Variants in PRR12 observed in about 807,000 individuals in gnomAD.
The protein encoded by PRR12 is proline rich 12.
A neutral mutation model predicts 138.0 loss-of-function variants in PRR12; 12 were observed. The observed-to-expected ratio is 0.09, with a 90% confidence interval of 0.06 to 0.14. The LOEUF (loss-of-function observed/expected upper bound fraction) is 0.14. PRR12 is among the 10% of genes least tolerant of loss of function. The pLI, the probability that PRR12 is intolerant of heterozygous loss-of-function variation, is 1.00. For synonymous variants in PRR12, 1,567 were observed against 1,291.7 expected, an observed-to-expected ratio of 1.21 and a Z score of -4.57; for missense variants, 2,692 against 2,861.3, an observed-to-expected ratio of 0.94 and a Z score of 1.35.
chr19:49,612,366 A>G (rs541264474), intron 6 of PRR12, among the ~76,000 whole-genome samples: 22 of 152,058 alleles, frequency 1.4e-4, no homozygotes, highest in Non-Finnish European at 1.8e-4. Context: ...GGTCAGTGAT[A>G]TGAGTGACAT....
chr19:49,597,787 GC>G lies in PRR12; in HGVS notation c.3457del (p.Arg1153GlyfsTer70). ...DFCPPNPGPD[G>X]PRRRGRKPTK... ...TGCCCACCCAACCCAGGACCCGATG[GC>G]CCCCGGCGCCGTGGCCGCAAGCCCA... On this transcript the variant is annotated frameshift_variant, in exon 4 of 14. Transcript: ENST00000418929. LOFTEE classifies it high-confidence loss of function. This position sits in a 1 kb window ranked among gnomAD's most constrained non-coding sequence, Gnocchi z 6.3. 6.3e-7 allele frequency: 1 copy of G among 1,579,438 alleles called. No individual in the cohort carries two copies. Among genetic ancestry groups the G allele is most frequent in the Non-Finnish European group, 8.6e-7 (1 of 1,163,476 alleles).
chr19:49,616,254 G>A lies in PRR12; in HGVS notation c.5497+35G>A, dbSNP rs2080892856. 6.8e-7 allele frequency: 1 copy of A among 1,474,076 alleles called. No homozygotes were observed. The highest frequency in any genetic ancestry group is 1.4e-5 in the South Asian group (1 of 71,670). The allele number at this position is 1,474,076 out of a possible 1,614,324, so 91.3% of individuals were successfully genotyped here. ...TAGGCAGCCTCAGGGCTGCAGGGGTGGGTGGGGAAGGGACACAGGTGAGGG... is the reference window on the plus strand; with the variant it reads ...TAGGCAGCCTCAGGGCTGCAGGGGTAGGTGGGGAAGGGACACAGGTGAGGG... On this transcript the variant is annotated intron_variant, in intron 9 of 13. Transcript: ENST00000418929. The surrounding 1 kb of genome is among the most constrained non-coding windows in gnomAD (Gnocchi z 4.2).
chr19:49,623,726 G>T (rs193005281), intron 11 of PRR12, among the ~76,000 whole-genome samples: 1 of 152,264 alleles, frequency 6.6e-6, no homozygotes, highest in East Asian at 1.9e-4. Context: ...CAATAATTCT[G>T]GGATAGATGG....
At chr19:49,609,382 C>CT (rs1489413650) in intron 6 of PRR12, among the ~76,000 whole-genome samples, 1 of 152,064 alleles carries the variant, frequency 6.6e-6, no homozygotes, top group Non-Finnish European at 1.5e-5. Flanking sequence ...GGGTGGATCA[C>CT]TTGAAGTCAG....
chr19:49,615,721 A>G (rs751997539), intron 8 of PRR12, 26 bp from the exon 9 acceptor site: 11 of 1,589,850 alleles, frequency 6.9e-6, no homozygotes, highest in African/African-American at 5.4e-5. Context: ...GCTGCTGACT[A>G]CAGTCCCTTC....
In PRR12 at chr19:49,601,639, ACCGCCGCTG is replaced by A. The variant is rs1204475239; in HGVS notation, c.4502_4510del (p.Leu1501_Pro1503del). 7 of 1,529,594 alleles carry A rather than the reference ACCGCCGCTG, an allele frequency of 4.6e-6. No individual in the cohort carries two copies. In the Admixed American group the frequency reaches 1.2e-4, roughly 26 times the overall value. The allele number at this position is 1,529,594 out of a possible 1,614,324, so 94.8% of individuals were successfully genotyped here. ...CCCCCACGCCCAGCTCACCACCGCC[ACCGCCGCTG>A]CCGCCGCCACCTCCACCAGCCATGC... On this transcript the variant is annotated inframe_deletion, in exon 6 of 14. Coordinates refer to ENST00000418929, the MANE Select transcript of PRR12 (RefSeq NM_020719.3).
rs769388419 is a variant in PRR12 at position 49,594,189 on chromosome 19, C to G, written c.200-265C>G. On this transcript the variant is annotated intron_variant, in intron 2 of 13. Transcript: ENST00000418929. The surrounding 1 kb of genome is among the most constrained non-coding windows in gnomAD (Gnocchi z 5.6). ...TCTTTCGCTTCTAGATTTTTCTACA[C>G]TTTTGTCTACCATTTCCTACCTGGG... is the stretch of plus-strand genomic sequence containing the variant. Among the ~76,000 whole-genome samples the G allele has an allele frequency of 2.6e-5, 4 of 152,172 alleles. No homozygotes were observed. The highest frequency in any genetic ancestry group is 5.9e-5 in the Non-Finnish European group (4 of 68,018).
At chr19:49,615,097 G>C (rs1163853090) in intron 8 of PRR12, 88 bp downstream of exon 8, 11 of 1,551,502 alleles carry the variant, frequency 7.1e-6, no homozygotes, top group Non-Finnish European at 9.7e-6. Context: ...GCTGGAGAGT[G>C]GGGGGTGGGG....
At position 49,614,466 on chromosome 19, in the gene PRR12, G is replaced by A. The variant is rs372597500; in HGVS notation, c.4774-67G>A. On this transcript the variant is annotated intron_variant, in intron 6 of 13. Coordinates refer to ENST00000418929, the MANE Select transcript of PRR12 (RefSeq NM_020719.3). The surrounding 1 kb of genome is among the most constrained non-coding windows in gnomAD (Gnocchi z 5.0). Reference sequence around the variant, plus strand: ...TGGTGAGGGAAGCCAGTGGGCCAGGGCGTAGGGGCAGTAGGTCTAGGAATG... The same window carrying A: ...TGGTGAGGGAAGCCAGTGGGCCAGGACGTAGGGGCAGTAGGTCTAGGAATG... 2 of 1,172,340 alleles carry A rather than the reference G, an allele frequency of 1.7e-6. No individual in the cohort carries two copies. Among genetic ancestry groups the A allele is most frequent in the Non-Finnish European group, 1.2e-6 (1 of 849,284 alleles). The allele number at this position is 1,172,340 out of a possible 1,614,324, so 72.6% of individuals were successfully genotyped here.
intron 1 of PRR12, among the ~76,000 whole-genome samples, chr19:49,592,250 G>GC (rs1568420084): frequency 1.3e-5 from 2 of 151,788 alleles, no homozygotes; most frequent in Non-Finnish European, 3.0e-5. Context: ...ACGGGGCCCC[G>GC]CCCCCTTCCT....
chr19:49,614,700 T>C lies in PRR12; in HGVS notation c.4890+51T>C, dbSNP rs1011473206. 2 of 1,507,576 alleles carry C rather than the reference T, an allele frequency of 1.3e-6. No individual in the cohort carries two copies. The highest frequency in any genetic ancestry group is 2.8e-5 in the African/African-American group (2 of 72,076). 93.4% of individuals were successfully genotyped at this position (1,507,576 alleles called of 1,614,324 possible). ...CTTGGGGGCCCCGGGGCGTGGTATCTAGGAGCTGGGGTTCCCCTTAGTGTG... is the reference window on the plus strand; with the variant it reads ...CTTGGGGGCCCCGGGGCGTGGTATCCAGGAGCTGGGGTTCCCCTTAGTGTG... On this transcript the variant is annotated intron_variant, in intron 7 of 13. Transcript: ENST00000418929. This position sits in a 1 kb window ranked among gnomAD's most constrained non-coding sequence, Gnocchi z 5.0.
At chr19:49,612,963 G>GC (rs759793584) in intron 6 of PRR12, among the ~76,000 whole-genome samples, 1 of 151,928 alleles carries the variant, frequency 6.6e-6, no homozygotes, top group Non-Finnish European at 1.5e-5. Flanking sequence ...ACTCAGCCTG[G>GC]CCCCCCTTTT....
Position 49,615,017 on chromosome 19 carries a change from C to T in PRR12, c.5024+8C>T. 2 of 1,613,630 alleles carry T rather than the reference C, an allele frequency of 1.2e-6. No individual in the cohort carries two copies. Among genetic ancestry groups the T allele is most frequent in the South Asian group, 1.1e-5 (1 of 91,084 alleles). On this transcript the variant is annotated splice_region_variant and intron_variant, in intron 8 of 13. Transcript: ENST00000418929. ...GCCCCCAGTGCCAGTCAGGTACCAA[C>T]CATGGGGGACACAGGGGCAGGTAGT... is the stretch of plus-strand genomic sequence containing the variant.
At position 49,595,272 on chromosome 19, in the gene PRR12, T is replaced by C; in HGVS notation, c.937T>C (p.Tyr313His). 6.5e-7 allele frequency: 1 copy of C among 1,544,018 alleles called. No individual in the cohort carries two copies. Among genetic ancestry groups the C allele is most frequent in the Non-Finnish European group, 8.7e-7 (1 of 1,145,376 alleles). Reference sequence around the variant, plus strand: ...GCCACCAGCCCATGCGCTCCAGCACTATCTGAGCTGTGGAGGCAGCTACCC... The same window carrying C: ...GCCACCAGCCCATGCGCTCCAGCACCATCTGAGCTGTGGAGGCAGCTACCC... ...PPPPAHALQH[Y>H]LSCGGSYPSM... Residue 313 changes from tyrosine to histidine, a missense_variant, in exon 4 of 14, where the codon TAT becomes CAT. Transcript: ENST00000418929.
chr19:49,613,010 C>T (rs1364096223), intron 6 of PRR12, among the ~76,000 whole-genome samples: 2 of 151,884 alleles, frequency 1.3e-5, no homozygotes, highest in South Asian at 2.1e-4. Flanking sequence ...TTTTGGCATC[C>T]GTCACCTATT....
At chr19:49,593,032 C>G (rs1257732797) in intron 1 of PRR12, among the ~76,000 whole-genome samples, 1 of 152,150 alleles carries the variant, frequency 6.6e-6, no homozygotes, top group Non-Finnish European at 1.5e-5. Flanking sequence ...GACGCTTGCT[C>G]TGCCTTGGAC....
Position 49,614,795 on chromosome 19 carries a change from T to G in PRR12, c.4891-81T>G. The G allele has an allele frequency of 6.3e-7, 1 of 1,593,130 alleles. No individual in the cohort carries two copies. The highest frequency in any genetic ancestry group is 8.6e-7 in the Non-Finnish European group (1 of 1,164,104). On this transcript the variant is annotated intron_variant, in intron 7 of 13. Coordinates refer to ENST00000418929, the MANE Select transcript of PRR12 (RefSeq NM_020719.3). This position sits in a 1 kb window ranked among gnomAD's most constrained non-coding sequence, Gnocchi z 5.0. The stretch of plus-strand genomic sequence containing the variant: ...GCCGGCAGGCTCCAAGCAGCTGCCA[T>G]GGTGGCCCAGGGCACGGGGGTGTTG...
chr19:49,622,907 AC>A (rs2080931415), intron 11 of PRR12, among the ~76,000 whole-genome samples: 2 of 79,264 alleles, frequency 2.5e-5, no homozygotes, highest in Non-Finnish European at 4.7e-5. Flanking sequence ...AAAAACAAAA[AC>A]ATATATATAT....
Position 49,594,881 on chromosome 19 carries a change from C to A in PRR12, c.546C>A (p.Leu182=), listed in dbSNP as rs1294161093. The A allele has an allele frequency of 6.2e-7, 1 of 1,611,354 alleles. No individual in the cohort carries two copies. The highest frequency in any genetic ancestry group is 2.2e-5 in the East Asian group (1 of 44,806). The change falls in exon 4 of 14, where the codon CTC becomes CTA. Residue 182 remains leucine (L), a synonymous_variant. Coordinates refer to ENST00000418929, the MANE Select transcript of PRR12 (RefSeq NM_020719.3). The surrounding 1 kb of genome is among the most constrained non-coding windows in gnomAD (Gnocchi z 5.6). ...CATTCAGCCCTCCAGCTAACGGGCT[C>A]CTGTCCCCTCATGACGTGCTGCACC... The part of the protein sequence containing the change: ...DPPFSPPANG[L]LSPHDVLHLK...
Sources: allele counts gnomAD v4.1 joint callset (sites outside exome capture counted in the v4.1 genomes callset), GRCh38; gene constraint gnomAD v4.1.1; non-coding constraint Gnocchi (gnomAD v3.1); transcripts MANE v1.5; gene names NCBI Gene and HGNC (gene_info 2026-07-23, HGNC 2026-07-21).